Variants in SLC8A1 observed in about 807,000 individuals in gnomAD.
SLC8A1 encodes the protein solute carrier family 8 member A1, also known as sodium/calcium exchanger 1.
A neutral mutation model predicts 68.3 loss-of-function variants in SLC8A1; 18 were observed. The observed-to-expected ratio is 0.26, with a 90% CI of 0.18 to 0.39. SLC8A1 has a LOEUF of 0.39. Ranked by LOEUF, SLC8A1 falls within the 10% of genes least tolerant of loss-of-function variation. SLC8A1 has a pLI of 1.00. For synonymous variants in SLC8A1, 475 were observed against 415.5 expected, an observed-to-expected ratio of 1.14 and a Z score of -1.74; for missense variants, 985 against 1,156.7, an observed-to-expected ratio of 0.85 and a Z score of 2.15.
chr2:40,300,950 C>A (rs144764824), intron 2 of SLC8A1, among the ~76,000 whole-genome samples: 88 of 152,122 alleles, frequency 5.8e-4, no homozygotes, highest in African/African-American at 2.0e-3. Flanking sequence ...ATAATCTATA[C>A]GTAATTGTCC....
exon 8 of SLC8A1, chr2:40,104,484 A>T (rs1558382258): frequency 6.6e-6 from 1 of 152,206 alleles, no homozygotes; most frequent in Non-Finnish European, 1.5e-5. Flanking sequence ...TGTGAAATTA[A>T]GAAAATTAAT....
intron 2 of SLC8A1, among the ~76,000 whole-genome samples, chr2:40,265,395 A>G (rs991941614): frequency 6.6e-6 from 1 of 152,204 alleles, no homozygotes; most frequent in African/African-American, 2.4e-5. Flanking sequence ...ACACCCTGTG[A>G]ATGTACCTTC....
intron 2 of SLC8A1, among the ~76,000 whole-genome samples, chr2:40,272,428 T>C (rs991303928): frequency 3.9e-5 from 6 of 152,178 alleles, no homozygotes; most frequent in African/African-American, 1.2e-4. Flanking sequence ...TCCTCTTTTT[T>C]CCATCTGAAT....
chr2:40,188,770 C>G (rs186863183), intron 2 of SLC8A1, among the ~76,000 whole-genome samples: 1 of 152,180 alleles, frequency 6.6e-6, no homozygotes, highest in African/African-American at 2.4e-5. Context: ...TTCATATTCT[C>G]TTTCTCTGTT....
intron 2 of SLC8A1, 68 bp downstream of exon 3, chr2:40,178,319 T>G (rs1386921867): frequency 8.9e-7 from 1 of 1,125,690 alleles, no homozygotes; most frequent in African/African-American, 1.5e-5. Flanking sequence ...TTCTGAAGAG[T>G]GCAGGCATCC....
At chr2:40,276,060 CAT>C (rs1034025219) in intron 2 of SLC8A1, among the ~76,000 whole-genome samples, 2 of 152,192 alleles carry the variant, frequency 1.3e-5, no homozygotes, top group African/African-American at 2.4e-5. Context: ...AAAAATGAAA[CAT>C]GTGAAATCTA....
At chr2:40,260,207 G>A (rs956439356) in intron 2 of SLC8A1, among the ~76,000 whole-genome samples, 11 of 152,018 alleles carry the variant, frequency 7.2e-5, no homozygotes, top group East Asian at 1.9e-4. Flanking sequence ...ATAGACAAAT[G>A]TGAATTATCT....
At chr2:40,367,346 C>G (rs1391110295) in intron 2 of SLC8A1, among the ~76,000 whole-genome samples, 3 of 152,016 alleles carry the variant, frequency 2.0e-5, no homozygotes, top group Non-Finnish European at 4.4e-5. Flanking sequence ...CTGACTGACA[C>G]CTTTACATCC....
chr2:40,114,179 G>C (rs945762469), exon 8 of SLC8A1: 7 of 152,724 alleles, frequency 4.6e-5, no homozygotes, highest in African/African-American at 1.7e-4. Context: ...CTGTGTAACA[G>C]GTATCACAAC....
rs151263982 is a variant in SLC8A1, at chr2:40,477,762, C to T, written c.-25+34587G>A. ...TGCGTAGTGTGTATGTGTGTGTGCA[C>T]GTGTGTGTAGGGGGAGATTTGACCA... On this transcript the variant is annotated intron_variant, in intron 1 of 7. Coordinates refer to the SLC8A1 transcript ENST00000402441. Among the ~76,000 whole-genome samples, 493 of 152,006 alleles carry T rather than the reference C, an allele frequency of 3.2e-3. 2 individuals are homozygous for T. Among genetic ancestry groups the T allele is most frequent in the Non-Finnish European group, 5.5e-3 (374 of 67,938 alleles).
In SLC8A1 at chr2:40,372,076, A is replaced by G. The variant is rs1445399727; in HGVS notation, c.1808+56397T>C. Among the ~76,000 whole-genome samples, 5 of 152,166 alleles carry G rather than the reference A, an allele frequency of 3.3e-5. No individual in the cohort carries two copies. In the East Asian group the frequency reaches 7.7e-4, roughly 24 times the overall value. On this transcript the variant is annotated intron_variant, in intron 2 of 7. Coordinates refer to ENST00000406785, the Ensembl canonical transcript of SLC8A1. ...GATTTGAAAAGAAGAAAATTATGAT[A>G]AACCCCTCTTAATGCAGGAAAGATT...
intron 7 of SLC8A1, among the ~76,000 whole-genome samples, chr2:40,116,502 C>T (rs1472863946): frequency 6.6e-6 from 1 of 152,070 alleles, no homozygotes; most frequent in Non-Finnish European, 1.5e-5. Context: ...GTGATGTTCC[C>T]CTTCCTGTGT....
intron 2 of SLC8A1, 137 bp downstream of exon 2, chr2:40,428,336 G>T (rs143516978): frequency 7.3e-7 from 1 of 1,366,044 alleles, no homozygotes. Flanking sequence ...TATCTTGAAA[G>T]GGATCTTGTA....
chr2:40,338,680 T>G (rs2216005), intron 2 of SLC8A1, among the ~76,000 whole-genome samples: 11 of 151,914 alleles, frequency 7.2e-5, no homozygotes, highest in African/African-American at 2.7e-4. Flanking sequence ...AAACAAGTTG[T>G]GTCATAAAGA....
chr2:40,154,856 G>T (rs1041143841), intron 6 of SLC8A1, among the ~76,000 whole-genome samples: 1 of 151,854 alleles, frequency 6.6e-6, no homozygotes, highest in Non-Finnish European at 1.5e-5. Flanking sequence ...GTAGAGATGG[G>T]GTTTCACTAT....
At chr2:40,338,341 G>GTA (rs937841162) in intron 2 of SLC8A1, among the ~76,000 whole-genome samples, 1 of 152,132 alleles carries the variant, frequency 6.6e-6, no homozygotes, top group Admixed American at 6.5e-5. Context: ...GTGTGTGTGT[G>GTA]TATATATGTC....
At chr2:40,248,610 T>C (rs1174718378) in intron 2 of SLC8A1, among the ~76,000 whole-genome samples, 1 of 152,178 alleles carries the variant, frequency 6.6e-6, no homozygotes, top group African/African-American at 2.4e-5. Flanking sequence ...GCAGTCCAAA[T>C]GAACTAAGAT....
intron 6 of SLC8A1, among the ~76,000 whole-genome samples, chr2:40,154,966 A>G (rs1021188051): frequency 6.6e-5 from 10 of 152,104 alleles, no homozygotes; most frequent in Non-Finnish European, 1.5e-4. Context: ...TTCTTCATGA[A>G]CCTCAGTCAA....
At position 40,284,400 on chromosome 2, in the gene SLC8A1, CAT is replaced by C. The variant is rs2067969208; in HGVS notation, c.1809-106547_1809-106546del. Among the ~76,000 whole-genome samples the C allele has an allele frequency of 4.1e-5, 6 of 145,990 alleles. No homozygotes were observed. The South Asian group carries it at 1.1e-3, about 26-fold the overall frequency. ...GTATGATATATGATATATACATACA[CAT>C]ATATTTATATAGAGAGATCTATATA... On this transcript the variant is annotated intron_variant, in intron 2 of 7. Transcript: ENST00000406785.
Sources: gnomAD v4.1 joint callset for allele counts (sites outside exome capture counted in the v4.1 genomes callset) on GRCh38, gnomAD v4.1.1 for gene constraint, MANE v1.5 for transcripts, NCBI Gene and HGNC (gene_info 2026-07-23, HGNC 2026-07-21) for gene names.